CHD2: variants seen among roughly 807,000 people sequenced by gnomAD.
CHD2 encodes chromodomain helicase DNA binding protein 2.
Under a neutral mutation model 243.9 loss-of-function variants are expected in CHD2, and 28 were observed. The ratio of observed to expected loss-of-function variants is 0.11; its 90% CI spans 0.09 to 0.16. The LOEUF (loss-of-function observed/expected upper bound fraction) is 0.16. CHD2 is among the 10% of genes least tolerant of loss of function. The pLI is 1.00. For synonymous variants in CHD2, 775 were observed against 779.0 expected (o/e 0.99, Z 0.09); for missense variants, 1,386 against 2,209.8 (o/e 0.63, Z 7.47).
At chr15:93,024,175 A>AC (rs2054566134) in intron 38 of CHD2, among the ~76,000 whole-genome samples, 197 bp from the exon 39 acceptor site, 1 of 152,092 alleles carries the variant, frequency 6.6e-6, no homozygotes, top group African/African-American at 2.4e-5. Context: ...GTGTCACTGC[A>AC]CACTTGAGCC....
At chr15:93,019,418 G>GGAGTA (rs2054503487) in intron 37 of CHD2, among the ~76,000 whole-genome samples, 1 of 152,080 alleles carries the variant, frequency 6.6e-6, no homozygotes, top group African/African-American at 2.4e-5. Context: ...CAGAAGGAGA[G>GGAGTA]GAGTAGTAAA....
At chr15:93,016,779 C>A (rs199745257) in intron 37 of CHD2, among the ~76,000 whole-genome samples, 113 of 77,940 alleles carry the variant, frequency 1.4e-3, no homozygotes, top group South Asian at 2.3e-3. Context: ...GAGACCGTCT[C>A]AAAAAAAAAA....
chr15:92,991,646 A>G (rs2054121212), intron 27 of CHD2, 129 bp downstream of exon 27: 1 of 607,210 alleles, frequency 1.6e-6, no homozygotes. Flanking sequence ...ACATTTATTT[A>G]CAAACATTTA....
At chr15:92,915,399 C>T (rs886465609) in intron 2 of CHD2, among the ~76,000 whole-genome samples, 4 of 152,102 alleles carry the variant, frequency 2.6e-5, no homozygotes, top group South Asian at 2.1e-4. Context: ...CTCAGCCTCC[C>T]GAGTAGCTGG....
Position 92,918,627 on chromosome 15 carries a change from C to T in CHD2, c.63-5694C>T, listed in dbSNP as rs534168917. Among the ~76,000 whole-genome samples, 32 of 152,126 alleles carry T rather than the reference C, an allele frequency of 2.1e-4. No homozygotes were observed. The South Asian group carries it at 6.4e-3, about 31-fold the overall frequency. ...TGACCCTTTCTATTAGTCTTGTGGG[C>T]TTTCTGCCTCCTCTACTAAACCAGC... On this transcript the variant is annotated intron_variant, in intron 2 of 38. Coordinates refer to ENST00000394196, the MANE Select transcript of CHD2 (RefSeq NM_001271.4).
At position 93,025,062 on chromosome 15, in the gene CHD2, T is replaced by C; in HGVS notation, c.*357T>C. 4.2e-6 allele frequency: 1 copy of C among 237,220 alleles called. No individual in the cohort carries two copies. Among genetic ancestry groups the C allele is most frequent in the Non-Finnish European group, 8.2e-6 (1 of 122,452 alleles). 14.7% of individuals were successfully genotyped at this position (237,220 alleles called of 1,614,324 possible). ...AGTCATGAATGTTTTCTTGCCAGGG[T>C]CAGTGTTCCCAGGACCTTAGTGCAT... On this transcript the variant is annotated 3_prime_UTR_variant, in exon 39 of 39. Coordinates refer to ENST00000394196, the MANE Select transcript of CHD2 (RefSeq NM_001271.4).
chr15:92,921,475 A>T (rs1380818397), intron 2 of CHD2: 2 of 152,208 alleles, frequency 1.3e-5, no homozygotes, highest in African/African-American at 4.8e-5. Flanking sequence ...CTTGCCTAAC[A>T]TCCCTTTCAA....
At chr15:92,920,401 T>C (rs8024528) in intron 2 of CHD2, among the ~76,000 whole-genome samples, 65,077 of 152,206 alleles carry the variant, frequency 0.43, 15,708 homozygotes, top group East Asian at 0.84. Flanking sequence ...GGGAATGTTA[T>C]ATAAAATGTA....
At chr15:92,984,632 A>C (rs1567152328) in intron 25 of CHD2, 132 bp downstream of exon 25, 2 of 746,762 alleles carry the variant, frequency 2.7e-6, no homozygotes, top group Admixed American at 7.8e-5. Flanking sequence ...TTGATACTGT[A>C]GGAAACTTAA....
chr15:92,920,982 G>A (rs1034202825), intron 2 of CHD2, among the ~76,000 whole-genome samples: 3 of 151,882 alleles, frequency 2.0e-5, no homozygotes, highest in African/African-American at 4.8e-5. Flanking sequence ...CCGGAGCTTT[G>A]GAGTGAGTCT....
At chr15:92,924,699 T>C (rs1475977250) in intron 3 of CHD2, 147 bp downstream of exon 3, 1 of 658,408 alleles carries the variant, frequency 1.5e-6, no homozygotes, top group Non-Finnish European at 2.6e-6. Flanking sequence ...TATCTGAGGA[T>C]ACAAATGAAG....
chr15:92,966,978 A>G (rs1030437544), intron 16 of CHD2, among the ~76,000 whole-genome samples: 1 of 151,530 alleles, frequency 6.6e-6, no homozygotes, highest in Admixed American at 6.6e-5. Context: ...AGGCTGTTGT[A>G]TCCATTGGCA....
At chr15:92,938,823 C>A (rs926115818) in intron 6 of CHD2, among the ~76,000 whole-genome samples, 1 of 152,180 alleles carries the variant, frequency 6.6e-6, no homozygotes, top group Non-Finnish European at 1.5e-5. Context: ...TAGACTGTGG[C>A]TTTCAATCCT....
At chr15:92,942,015 G>C in intron 8 of CHD2, 60 bp downstream of exon 8, 1 of 1,519,544 alleles carries the variant, frequency 6.6e-7, no homozygotes, top group Non-Finnish European at 9.0e-7. Flanking sequence ...TTAGATTTTA[G>C]GTATTTTAAC....
At chr15:92,918,808 CATATATACACAT>C (rs1247258072) in intron 2 of CHD2, among the ~76,000 whole-genome samples, 9 of 151,524 alleles carry the variant, frequency 5.9e-5, no homozygotes, top group African/African-American at 4.8e-5. Flanking sequence ...TATATACACA[CATATATACACAT>C]ATACATATAT....
intron 5 of CHD2, among the ~76,000 whole-genome samples, chr15:92,935,139 C>T (rs1596388331): frequency 6.6e-6 from 1 of 151,888 alleles, no homozygotes; most frequent in South Asian, 2.1e-4. Flanking sequence ...GGGTTCACGC[C>T]ATTCTCCTGC....
At chr15:92,991,238 A>G (rs1567154946) in intron 26 of CHD2, 2 of 434,476 alleles carry the variant, frequency 4.6e-6, no homozygotes, top group Non-Finnish European at 8.1e-6. Context: ...AGGTTTATGT[A>G]CAGTCACTGA....
At chr15:92,925,385 G>A (rs1011592954) in intron 3 of CHD2, among the ~76,000 whole-genome samples, 7 of 152,052 alleles carry the variant, frequency 4.6e-5, no homozygotes, top group African/African-American at 9.7e-5. Context: ...CTTAGATATC[G>A]GCTCTCAAAA....
At chr15:92,963,791 A>G (rs1339885637) in intron 16 of CHD2, among the ~76,000 whole-genome samples, 3 of 152,252 alleles carry the variant, frequency 2.0e-5, no homozygotes, top group Non-Finnish European at 4.4e-5. Context: ...TTGAACTTCA[A>G]GTTCTAGGAG....
Sources: gnomAD v4.1 joint callset for allele counts (sites outside exome capture counted in the v4.1 genomes callset) on GRCh38, gnomAD v4.1.1 for gene constraint, MANE v1.5 for transcripts, NCBI Gene and HGNC (gene_info 2026-07-23, HGNC 2026-07-21) for gene names.